AGBL4: variants seen among roughly 807,000 people sequenced by gnomAD.
The protein encoded by AGBL4 is cytosolic carboxypeptidase 6.
A neutral mutation model predicts 66.4 loss-of-function variants in AGBL4; 58 were observed. That is an observed-to-expected ratio of 0.87 (90% CI 0.71 to 1.09). The LOEUF (loss-of-function observed/expected upper bound fraction) is 1.09, where lower values mean the gene tolerates loss of function less well. Among genes scored for constraint, AGBL4 ranks in the 50% least tolerant of loss-of-function variants. The pLI, the probability that AGBL4 is intolerant of heterozygous loss-of-function variation, is 0.00. For missense variants in AGBL4, 579 were observed against 631.0 expected (o/e 0.92, Z 0.88); for synonymous variants, 234 against 222.9 (o/e 1.05, Z -0.44).
chr1:49,341,692 C>T (rs1003265132), intron 3 of AGBL4, among the ~76,000 whole-genome samples: 26 of 152,130 alleles, frequency 1.7e-4, no homozygotes, highest in African/African-American at 5.3e-4. Context: ...GATCATAGGA[C>T]GTGAGAAACT....
intron 2 of AGBL4, chr1:49,845,217 G>A: frequency 6.7e-7 from 1 of 1,499,374 alleles, no homozygotes; most frequent in Non-Finnish European, 9.3e-7. Context: ...CCAAACACCA[G>A]AGAATCCACA....
chr1:48,554,729 T>C (rs541833154), intron 11 of AGBL4, among the ~76,000 whole-genome samples: 17 of 152,274 alleles, frequency 1.1e-4, no homozygotes, highest in Admixed American at 9.8e-4. Flanking sequence ...TTTCATTTAT[T>C]ACAAGCAAGG....
chr1:49,687,623 G>A (rs1345571798), intron 3 of AGBL4, among the ~76,000 whole-genome samples: 1 of 151,770 alleles, frequency 6.6e-6, no homozygotes, highest in Non-Finnish European at 1.5e-5. Flanking sequence ...ATACAAAAAA[G>A]TAGTCCAGCA....
chr1:49,509,331 T>C (rs577822169), intron 3 of AGBL4, among the ~76,000 whole-genome samples: 2 of 152,084 alleles, frequency 1.3e-5, no homozygotes, highest in South Asian at 4.1e-4. Context: ...TGTCTCCATA[T>C]GTCAGGGCCT....
intron 3 of AGBL4, among the ~76,000 whole-genome samples, chr1:49,537,055 T>C (rs748171420): frequency 6.1e-4 from 93 of 151,638 alleles, no homozygotes; most frequent in Non-Finnish European, 1.2e-3. Context: ...AAGGACACCT[T>C]AGTCAATAAA....
intron 6 of AGBL4, among the ~76,000 whole-genome samples, chr1:48,717,865 G>A (rs890582452): frequency 1.3e-5 from 2 of 152,138 alleles, no homozygotes; most frequent in African/African-American, 2.4e-5. Flanking sequence ...ACCTCTCTGG[G>A]CTACGGTATC....
intron 3 of AGBL4, among the ~76,000 whole-genome samples, chr1:49,300,260 C>T (rs1452815978): frequency 2.0e-5 from 3 of 152,202 alleles, no homozygotes; most frequent in African/African-American, 7.2e-5. Context: ...TGTAGTCACA[C>T]AGACCTGGGT....
At chr1:48,846,838 GAAC>G (rs1282653470) in intron 6 of AGBL4, among the ~76,000 whole-genome samples, 2 of 151,600 alleles carry the variant, frequency 1.3e-5, no homozygotes, top group Non-Finnish European at 2.9e-5. Context: ...TTTTACTCTT[GAAC>G]AACATAAAAT....
intron 3 of AGBL4, among the ~76,000 whole-genome samples, chr1:49,550,657 T>C (rs6703173): frequency 0.094 from 14,351 of 152,258 alleles, 905 homozygotes; most frequent in African/African-American, 0.17. Context: ...GTAGGGTTTC[T>C]GCTGAGAAGC....
chr1:49,216,524 C>G (rs1216920780), intron 4 of AGBL4, among the ~76,000 whole-genome samples: 10 of 152,116 alleles, frequency 6.6e-5, no homozygotes, highest in Non-Finnish European at 1.3e-4. Flanking sequence ...TTCTCTGTTC[C>G]TATATTAATT....
intron 3 of AGBL4, among the ~76,000 whole-genome samples, chr1:49,385,591 G>A (rs1275116221): frequency 1.3e-5 from 2 of 151,800 alleles, no homozygotes; most frequent in African/African-American, 4.8e-5. Context: ...ATTAAAGAAG[G>A]TTGTATATTA....
intron 2 of AGBL4, among the ~76,000 whole-genome samples, chr1:49,742,607 C>A (rs1481447162): frequency 1.3e-5 from 2 of 151,918 alleles, no homozygotes; most frequent in African/African-American, 2.4e-5. Flanking sequence ...AATCCTAAGC[C>A]AAAAGAACAA....
At chr1:48,867,560 C>A (rs1252311932) in intron 5 of AGBL4, among the ~76,000 whole-genome samples, 1 of 152,176 alleles carries the variant, frequency 6.6e-6, no homozygotes, top group Non-Finnish European at 1.5e-5. Flanking sequence ...GTTTCCCAGT[C>A]ATGGGCTCAT....
intron 2 of AGBL4, among the ~76,000 whole-genome samples, chr1:49,820,723 G>C (rs1645347935): frequency 6.6e-6 from 1 of 152,146 alleles, no homozygotes; most frequent in African/African-American, 2.4e-5. Context: ...ACTTGGAAAT[G>C]CTCTAGTTGC....
intron 5 of AGBL4, among the ~76,000 whole-genome samples, chr1:48,920,606 A>G (rs1045119775): frequency 1.3e-5 from 2 of 152,338 alleles, no homozygotes; most frequent in African/African-American, 4.8e-5. Flanking sequence ...AATTACTGCC[A>G]CTTCATGGAC....
chr1:50,011,171 G>A lies in AGBL4; in HGVS notation c.34+12592C>T, dbSNP rs184168933. 2.6e-3 allele frequency among the ~76,000 whole-genome samples: 396 copies of A among 152,108 alleles called. 2 individuals are homozygous for A. Among genetic ancestry groups the A allele is most frequent in the South Asian group, 0.018 (86 of 4,806 alleles). ...GATTAATAACAAGAATATATAAGGA[G>A]CTCAAACAACTCTATAGGAAAAAAG... is the stretch of plus-strand genomic sequence containing the variant. On this transcript the variant is annotated intron_variant, in intron 1 of 13. Coordinates refer to ENST00000371839, the MANE Select transcript of AGBL4 (RefSeq NM_032785.4).
At chr1:49,428,897 T>G (rs1182036398) in intron 3 of AGBL4, among the ~76,000 whole-genome samples, 1 of 152,340 alleles carries the variant, frequency 6.6e-6, no homozygotes, top group Admixed American at 6.5e-5. Flanking sequence ...ATCACCTGGA[T>G]ATTTGTATTT....
intron 9 of AGBL4, among the ~76,000 whole-genome samples, chr1:48,624,424 A>C (rs1195896507): frequency 6.6e-6 from 1 of 152,216 alleles, no homozygotes; most frequent in East Asian, 1.9e-4. Flanking sequence ...GGAGAAACAA[A>C]ATGAAAAAGA....
At chr1:48,842,328 T>C (rs907890725) in intron 6 of AGBL4, among the ~76,000 whole-genome samples, 3 of 152,122 alleles carry the variant, frequency 2.0e-5, no homozygotes, top group African/African-American at 4.8e-5. Flanking sequence ...CAAGTCATTG[T>C]CCTCTGTGTA....
Sources: allele counts gnomAD v4.1 joint callset (sites outside exome capture counted in the v4.1 genomes callset), GRCh38; gene constraint gnomAD v4.1.1; transcripts MANE v1.5; gene names NCBI Gene and HGNC (gene_info 2026-07-23, HGNC 2026-07-21).